The following TSPEAR variants were observed in gnomAD, a reference collection of about 807,000 sequenced individuals.
TSPEAR encodes thrombospondin-type laminin G domain and EAR repeat-containing protein.
In TSPEAR, 69 loss-of-function variants were observed where a neutral mutation model predicts 71.6. The observed-to-expected ratio is 0.96, with a 90% CI of 0.79 to 1.18. The LOEUF (loss-of-function observed/expected upper bound fraction) is 1.18, where lower values mean the gene tolerates loss of function less well. Ranked by LOEUF, TSPEAR falls within the 50% of genes most tolerant of loss-of-function variation. TSPEAR has a pLI of 0.00. For synonymous variants in TSPEAR, 402 were observed against 387.2 expected, an observed-to-expected ratio of 1.04 and a Z score of -0.45; for missense variants, 971 against 894.9, an observed-to-expected ratio of 1.09 and a Z score of -1.09.
In TSPEAR at chr21:44,598,552, C is replaced by T. The variant is rs587623042; in HGVS notation, c.83-30547G>A. Among the ~76,000 whole-genome samples the T allele has an allele frequency of 2.6e-5, 4 of 152,226 alleles. No individual in the cohort carries two copies. In the East Asian group the frequency reaches 5.8e-4, roughly 22 times the overall value. ...TATACATAGTTTTTACTATCTCTTCCGTGGTCACTTTAGAGATTATAGCAC... is the reference window on the plus strand; with the variant it reads ...TATACATAGTTTTTACTATCTCTTCTGTGGTCACTTTAGAGATTATAGCAC... On this transcript the variant is annotated intron_variant, in intron 1 of 11. Coordinates refer to ENST00000323084, the MANE Select transcript of TSPEAR (RefSeq NM_144991.3).
rs1791606712 is a variant in TSPEAR at position 44,546,823 on chromosome 21, T to C, written c.304-12900A>G. ...TAGATTCTGTTTTGACTTTTGAGAATTTGATTACACTGTGTTTTTGTGTGA... is the reference window on the plus strand; with the variant it reads ...TAGATTCTGTTTTGACTTTTGAGAACTTGATTACACTGTGTTTTTGTGTGA... On this transcript the variant is annotated intron_variant, in intron 2 of 11. Transcript: ENST00000323084. This position sits in a 1 kb window ranked among gnomAD's most constrained non-coding sequence, Gnocchi z 4.4. Among the ~76,000 whole-genome samples the C allele has an allele frequency of 6.6e-6, 1 of 152,238 alleles. No individual in the cohort carries two copies. The highest frequency in any genetic ancestry group is 6.5e-5 in the Admixed American group (1 of 15,286).
chr21:44,689,187 C>G (rs2146309084), intron 1 of TSPEAR, among the ~76,000 whole-genome samples: 1 of 152,214 alleles, frequency 6.6e-6, no homozygotes, highest in African/African-American at 2.4e-5. Flanking sequence ...CAGGGGAAAC[C>G]AATGGTTTAA....
Position 44,707,485 on chromosome 21 carries a change from C to G in TSPEAR, c.82+3948G>C, listed in dbSNP as rs372392141. Among the ~76,000 whole-genome samples, 57 of 152,254 alleles carry G rather than the reference C, an allele frequency of 3.7e-4. No individual in the cohort carries two copies. The South Asian group carries it at 0.011, about 29-fold the overall frequency. ...GCTCGTTATCCTGGAACCAGAGAGG[C>G]TGGAGACCCTTGGCTTGTCTGGAGC... is the stretch of plus-strand genomic sequence containing the variant. On this transcript the variant is annotated intron_variant, in intron 1 of 11. Transcript: ENST00000323084.
rs2052900965 is a variant in TSPEAR at position 44,528,478 on chromosome 21, C to G, written c.896G>C (p.Gly299Ala). Residue 299 changes from glycine to alanine, a missense_variant, in exon 6 of 12, where the codon GGC (glycine) becomes GCC (alanine). Coordinates refer to ENST00000323084, the MANE Select transcript of TSPEAR (RefSeq NM_144991.3). Reference sequence around the variant, plus strand: ...TGCTAACACGGAGACCCACTCGTTGCCAACACACAGATACAGGCCCTTCCG... The same window carrying G: ...TGCTAACACGGAGACCCACTCGTTGGCAACACACAGATACAGGCCCTTCCG... ...ASRKGLYLCV[G>A]NEWVSVLAAK... is the part of the protein sequence containing the mutation. 1 of 1,613,916 alleles carries G rather than the reference C, an allele frequency of 6.2e-7. No individual in the cohort carries two copies. The highest frequency in any genetic ancestry group is 8.5e-7 in the Non-Finnish European group (1 of 1,179,984).
At chr21:44,584,630 C>A (rs1979223481) in intron 1 of TSPEAR, among the ~76,000 whole-genome samples, 1 of 152,152 alleles carries the variant, frequency 6.6e-6, no homozygotes, top group South Asian at 2.1e-4. Flanking sequence ...CTCTCACACA[C>A]AATTATTCCT....
chr21:44,533,635 T>G (rs1555915970), intron 3 of TSPEAR, 50 bp downstream of exon 3: 1 of 1,478,314 alleles, frequency 6.8e-7, no homozygotes, highest in African/African-American at 1.4e-5. Flanking sequence ...ATGCCTGGCC[T>G]GGCAGGACTC....
intron 1 of TSPEAR, chr21:44,658,298 A>G: frequency 6.2e-7 from 1 of 1,603,732 alleles, no homozygotes; most frequent in East Asian, 2.2e-5. Context: ...ACGGGGGTAC[A>G]CACCTGTATC....
chr21:44,702,439 T>C (rs1396696256), intron 1 of TSPEAR: 2 of 1,610,846 alleles, frequency 1.2e-6, no homozygotes, highest in African/African-American at 2.7e-5. Flanking sequence ...GCCAGCTTGC[T>C]GCACCTCCTC....
chr21:44,609,882 C>A (rs1329389421), intron 1 of TSPEAR, among the ~76,000 whole-genome samples: 3 of 152,158 alleles, frequency 2.0e-5, no homozygotes, highest in Non-Finnish European at 4.4e-5. Flanking sequence ...GAAGGGGGAA[C>A]TTTTCACGGG....
chr21:44,645,833 C>T (rs1555939470), intron 1 of TSPEAR, among the ~76,000 whole-genome samples: 1 of 152,048 alleles, frequency 6.6e-6, no homozygotes, highest in African/African-American at 2.4e-5. Context: ...CTCAACTCAA[C>T]AAAAGCTTGC....
At chr21:44,553,882 G>A (rs189363962) in intron 2 of TSPEAR, among the ~76,000 whole-genome samples, 2 of 152,248 alleles carry the variant, frequency 1.3e-5, no homozygotes, top group East Asian at 3.9e-4. Flanking sequence ...GGGCTTCCAG[G>A]GCAATCTTTG....
intron 2 of TSPEAR, chr21:44,551,607 C>T (rs1430818916): frequency 6.2e-5 from 70 of 1,131,392 alleles, no homozygotes; most frequent in Middle Eastern, 3.0e-4. Context: ...GACTCAGCAA[C>T]GCCCTCCACT....
At chr21:44,503,035 G>A (rs1176839369) in intron 11 of TSPEAR, among the ~76,000 whole-genome samples, 1 of 142,826 alleles carries the variant, frequency 7.0e-6, no homozygotes, top group East Asian at 2.1e-4. Context: ...GAGCCCTCGG[G>A]GGGAAGCAAG....
rs587621003 is a variant in TSPEAR at position 44,654,569 on chromosome 21, C to A, written c.82+56864G>T. The A allele has an allele frequency of 3.7e-5, 59 of 1,604,904 alleles. No individual in the cohort carries two copies. The Admixed American group carries it at 6.3e-4, about 17-fold the overall frequency. ...GTGCTGGGGACACAGCACGGGGAGC[C>A]AGGGCAGGCCATTGGGCAGCCCGAA... On this transcript the variant is annotated intron_variant, in intron 1 of 11. Transcript: ENST00000323084.
At position 44,627,193 on chromosome 21, in the gene TSPEAR, A is replaced by G. The variant is rs193155432; in HGVS notation, c.83-59188T>C. 9.3e-4 allele frequency: 1,497 copies of G among 1,611,816 alleles called. 12 individuals are homozygous for G. The African/African-American group carries it at 0.018, about 19-fold the overall frequency. ...CAGCATGGCCGCGTCCACCATGTCC[A>G]TCCGCTCCAGCGCTTACTCCGACTC... On this transcript the variant is annotated intron_variant, in intron 1 of 11. Transcript: ENST00000323084.
intron 11 of TSPEAR, among the ~76,000 whole-genome samples, chr21:44,503,653 C>T (rs782636814): frequency 6.0e-4 from 74 of 123,936 alleles, no homozygotes; most frequent in Admixed American, 9.1e-4. Context: ...GGGGGGAAGC[C>T]GGCCTTGGTG....
chr21:44,539,702 A>G, intron 2 of TSPEAR: 2 of 1,595,246 alleles, frequency 1.3e-6, no homozygotes, highest in Non-Finnish European at 1.7e-6. Flanking sequence ...CACATAGCAC[A>G]CAGGCTTGCA....
rs781908057 is a variant in TSPEAR at position 44,711,409 on chromosome 21, C to G, written c.82+24G>C. 2.1e-5 allele frequency: 33 copies of G among 1,571,574 alleles called. No homozygotes were observed. The highest frequency in any genetic ancestry group is 2.9e-5 in the Non-Finnish European group (33 of 1,157,868). On this transcript the variant is annotated intron_variant, in intron 1 of 11. Coordinates refer to ENST00000323084, the MANE Select transcript of TSPEAR (RefSeq NM_144991.3). The surrounding 1 kb of genome is among the most constrained non-coding windows in gnomAD (Gnocchi z 4.5). ...AGCTCCCCGGCAAGATACCCCCGCC[C>G]GAGTTCCCATGCCCCTGCCTTACCT...
Position 44,612,776 on chromosome 21 carries a change from CCCTCCTGTTGTGTCCCTGCCT to C in TSPEAR, c.83-44792_83-44772del. The C allele has an allele frequency of 6.2e-7, 1 of 1,613,712 alleles. No individual in the cohort carries two copies. The highest frequency in any genetic ancestry group is 2.2e-5 in the East Asian group (1 of 44,862). On this transcript the variant is annotated intron_variant, in intron 1 of 11. Coordinates refer to ENST00000323084, the MANE Select transcript of TSPEAR (RefSeq NM_144991.3). This position sits in a 1 kb window ranked among gnomAD's most constrained non-coding sequence, Gnocchi z 4.1. ...CCGGCCTGCCTGCTGTGTGCCTGTC[CCCTCCTGTTGTGTCCCTGCCT>C]CCTCCTGCCAGCCCAGCTGCTGCCA...
Sources: allele counts gnomAD v4.1 joint callset (sites outside exome capture counted in the v4.1 genomes callset), GRCh38; gene constraint gnomAD v4.1.1; non-coding constraint Gnocchi (gnomAD v3.1); transcripts MANE v1.5; gene names NCBI Gene and HGNC (gene_info 2026-07-23, HGNC 2026-07-21).